Variants in TIAM1 observed in about 807,000 individuals in gnomAD.
TIAM1 encodes the protein rho guanine nucleotide exchange factor TIAM1.
Under a neutral mutation model 163.5 loss-of-function variants are expected in TIAM1, and 65 were observed. That is an observed-to-expected ratio of 0.40 (90% CI 0.33 to 0.49). The LOEUF (loss-of-function observed/expected upper bound fraction) is 0.49. Among genes scored for constraint, TIAM1 ranks in the 20% least tolerant of loss-of-function variants. TIAM1 has a pLI of 0.77. For synonymous variants in TIAM1, 833 were observed against 810.1 expected (o/e 1.03, Z -0.48); for missense variants, 1,789 against 2,044.7 (o/e 0.87, Z 2.41).
intron 2 of TIAM1, among the ~76,000 whole-genome samples, chr21:31,331,566 C>T (rs184663787): frequency 8.5e-4 from 130 of 152,324 alleles, no homozygotes; most frequent in African/African-American, 2.9e-3. Flanking sequence ...TGGGAATCTC[C>T]GGCTATGCCA....
intron 1 of TIAM1, among the ~76,000 whole-genome samples, chr21:31,545,727 C>T (rs942603450): frequency 6.6e-6 from 1 of 152,216 alleles, no homozygotes; most frequent in Non-Finnish European, 1.5e-5. Flanking sequence ...GAGATTTAAT[C>T]ACTGGGCTCC....
At position 31,118,468 on chromosome 21, in the gene TIAM1, T is replaced by C; in HGVS notation, c.*1900A>G. Reference sequence around the variant, plus strand: ...ACAAGCATTTACAACGTTCCATTCATAGACCTAAAAACATAAAAATAGACC... The same window carrying C: ...ACAAGCATTTACAACGTTCCATTCACAGACCTAAAAACATAAAAATAGACC... On this transcript the variant is annotated 3_prime_UTR_variant, in exon 28 of 28. Coordinates refer to ENST00000541036, the MANE Select transcript of TIAM1 (RefSeq NM_001353694.2). 3 of 415,728 alleles carry C rather than the reference T, an allele frequency of 7.2e-6. No homozygotes were observed. Among genetic ancestry groups the C allele is most frequent in the South Asian group, 5.5e-5 (3 of 54,284 alleles). The allele number at this position is 415,728 out of a possible 1,614,324, so 25.8% of individuals were successfully genotyped here. A position where few individuals can be genotyped will look rare whatever the true frequency, so the allele number is the denominator to read the frequency against.
intron 4 of TIAM1, among the ~76,000 whole-genome samples, chr21:31,252,985 T>G (rs1208868583): frequency 1.3e-5 from 2 of 152,348 alleles, no homozygotes; most frequent in African/African-American, 4.8e-5. Flanking sequence ...GCCAAGATAC[T>G]GAGGGTATCA....
chr21:31,471,146 T>A (rs573853130), intron 1 of TIAM1, among the ~76,000 whole-genome samples: 1 of 151,872 alleles, frequency 6.6e-6, no homozygotes, highest in Non-Finnish European at 1.5e-5. Flanking sequence ...AGGGAAAAAA[T>A]ACTCAGGAGA....
intron 14 of TIAM1, among the ~76,000 whole-genome samples, chr21:31,186,219 A>G (rs8128395): frequency 0.24 from 36,557 of 152,104 alleles, 7,513 homozygotes; most frequent in African/African-American, 0.54. Flanking sequence ...CGCTCTCTAA[A>G]GAAGGGGAGG....
chr21:31,215,589 A>AAAAAAAAAG (rs1555893145), intron 9 of TIAM1, among the ~76,000 whole-genome samples: 1 of 147,558 alleles, frequency 6.8e-6, no homozygotes, highest in African/African-American at 2.6e-5. Flanking sequence ...AAAAAAAAAA[A>AAAAAAAAAG]GAAGAGAAAT....
At chr21:31,514,223 C>T (rs2047306357) in intron 1 of TIAM1, among the ~76,000 whole-genome samples, 1 of 152,020 alleles carries the variant, frequency 6.6e-6, no homozygotes, top group Non-Finnish European at 1.5e-5. Context: ...ACACATAATG[C>T]AAACCCAAGA....
intron 22 of TIAM1, among the ~76,000 whole-genome samples, chr21:31,138,226 T>A (rs2082701278): frequency 6.6e-6 from 1 of 152,216 alleles, no homozygotes; most frequent in South Asian, 2.1e-4. Flanking sequence ...CAAAAGGGAT[T>A]TCTTAGCCTA....
intron 1 of TIAM1, among the ~76,000 whole-genome samples, chr21:31,525,418 C>T (rs374375411): frequency 6.6e-6 from 1 of 151,822 alleles, no homozygotes; most frequent in East Asian, 1.9e-4. Flanking sequence ...AGCGAGAACT[C>T]GCTCCTTGTG....
chr21:31,138,134 G>A (rs945434147), intron 22 of TIAM1, among the ~76,000 whole-genome samples: 1 of 151,952 alleles, frequency 6.6e-6, no homozygotes, highest in Admixed American at 6.6e-5. Flanking sequence ...ACTAAGGACT[G>A]GGATGCCCGA....
At chr21:31,432,068 A>T (rs948307384) in intron 2 of TIAM1, among the ~76,000 whole-genome samples, 4 of 150,910 alleles carry the variant, frequency 2.7e-5, no homozygotes, top group African/African-American at 9.8e-5. Context: ...ATATGGGGTG[A>T]ACATGTCAAA....
Position 31,536,875 on chromosome 21 carries a change from A to C in TIAM1, c.-422+22052T>G, listed in dbSNP as rs746198841. The stretch of plus-strand genomic sequence containing the variant: ...GGGACCAGGAGGCCATGTTCAGGAG[A>C]GAGGGCAAGAAGAGGGCATTAGCTT... On this transcript the variant is annotated intron_variant, in intron 1 of 28. Coordinates refer to the TIAM1 transcript ENST00000286827. 6.8e-4 allele frequency among the ~76,000 whole-genome samples: 103 copies of C among 152,224 alleles called. 1 individual carries two copies. The highest frequency in any genetic ancestry group is 1.2e-3 in the Non-Finnish European group (83 of 68,046).
intron 2 of TIAM1, among the ~76,000 whole-genome samples, chr21:31,294,986 A>G (rs2074178997): frequency 6.6e-6 from 1 of 152,198 alleles, no homozygotes; most frequent in Non-Finnish European, 1.5e-5. Flanking sequence ...TCGGTTTTCC[A>G]TAAAGGTAAA....
intron 11 of TIAM1, among the ~76,000 whole-genome samples, chr21:31,208,021 G>T (rs2086542694): frequency 1.3e-5 from 2 of 152,206 alleles, no homozygotes; most frequent in African/African-American, 4.8e-5. Flanking sequence ...AAGGGATTTT[G>T]TACCTTAATG....
rs755574864 is a variant in TIAM1, at chr21:31,120,440, G to A, written c.4704C>T (p.Ser1568=). 6.2e-6 allele frequency: 10 copies of A among 1,614,192 alleles called. No individual in the cohort carries two copies. The highest frequency in any genetic ancestry group is 3.3e-5 in the Admixed American group (2 of 60,026). Reference sequence around the variant, plus strand: ...TAACCCAAATGACTTCCTCGCTTGCGCTCTCCAGGCCTCCATTGATCCCCG... The same window carrying A: ...TAACCCAAATGACTTCCTCGCTTGCACTCTCCAGGCCTCCATTGATCCCCG... ...ALSGINGGLE[S]ASEEVIWVRR... Residue 1568 remains serine (S), a synonymous_variant, in exon 28 of 28, where the codon AGC becomes AGT. Coordinates refer to ENST00000541036, the MANE Select transcript of TIAM1 (RefSeq NM_001353694.2). This position sits in a 1 kb window ranked among gnomAD's most constrained non-coding sequence, Gnocchi z 4.2.
intron 2 of TIAM1, among the ~76,000 whole-genome samples, chr21:31,291,312 G>A (rs983134955): frequency 5.3e-5 from 8 of 152,192 alleles, no homozygotes; most frequent in African/African-American, 1.9e-4. Flanking sequence ...TCTCCTCATA[G>A]ATAGAAACAA....
intron 6 of TIAM1, among the ~76,000 whole-genome samples, chr21:31,240,356 T>C (rs140004302): frequency 2.6e-4 from 40 of 152,342 alleles, no homozygotes; most frequent in Middle Eastern, 3.4e-3. Context: ...CTAAGCTGCA[T>C]TTATTAAAGA....
In TIAM1 at chr21:31,188,495, G is replaced by T. The variant is rs576316342; in HGVS notation, c.2576-1408C>A. On this transcript the variant is annotated intron_variant, in intron 13 of 27. Transcript: ENST00000541036. ...GAATCAAGGGCTACGTCATAGGAAA[G>T]AATGAATAGGATTCATCTAACTATT... Among the ~76,000 whole-genome samples the T allele has an allele frequency of 1.7e-3, 257 of 152,262 alleles. 1 individual carries two copies. Among genetic ancestry groups the T allele is most frequent in the African/African-American group, 5.9e-3 (244 of 41,570 alleles).
chr21:31,246,444 A>G (rs2071506729), intron 5 of TIAM1, among the ~76,000 whole-genome samples: 1 of 152,210 alleles, frequency 6.6e-6, no homozygotes, highest in South Asian at 2.1e-4. Flanking sequence ...TTTAATAGCA[A>G]TTATGAGCTG....
Sources: allele counts gnomAD v4.1 joint callset (sites outside exome capture counted in the v4.1 genomes callset), GRCh38; gene constraint gnomAD v4.1.1; non-coding constraint Gnocchi (gnomAD v3.1); transcripts MANE v1.5; gene names NCBI Gene and HGNC (gene_info 2026-07-23, HGNC 2026-07-21).